Variants in LIFR observed in about 807,000 individuals in gnomAD.
The protein encoded by LIFR is LIF receptor subunit alpha.
In LIFR, 84 loss-of-function variants were observed where a neutral mutation model predicts 122.2. The observed-to-expected ratio is 0.69, with a 90% CI of 0.58 to 0.82. LIFR has a LOEUF of 0.82. Among genes scored for constraint, LIFR ranks in the 40% least tolerant of loss-of-function variants. The probability of loss-of-function intolerance (pLI) is 0.00; values close to 1 mark genes in which losing one functional copy is unlikely to be tolerated. For synonymous variants in LIFR, 422 were observed against 434.7 expected (o/e 0.97, Z 0.36); for missense variants, 1,294 against 1,311.6 (o/e 0.99, Z 0.21).
chr5:38,510,589 A>G lies in LIFR; in HGVS notation c.866T>C (p.Leu289Ser), dbSNP rs1745744020. 1 of 1,613,974 alleles carries G rather than the reference A, an allele frequency of 6.2e-7. No individual in the cohort carries two copies. The highest frequency in any genetic ancestry group is 8.5e-7 in the Non-Finnish European group (1 of 1,179,990). The stretch of plus-strand genomic sequence containing the variant: ...AACATTTTCCCCATCAAGATGGATC[A>G]AGGGGCAGTTTGTATGGCCAATCAG... ...SALIGHTNCP[L>S]IHLDGENVAI... The change falls in exon 7 of 20, where the codon TTG (leucine) becomes TCG (serine). Residue 289 changes from leucine (L) to serine (S), a missense_variant. Transcript: ENST00000453190.
intron 1 of LIFR, among the ~76,000 whole-genome samples, chr5:38,551,588 C>A (rs1253911281): frequency 6.6e-6 from 1 of 152,200 alleles, no homozygotes; most frequent in African/African-American, 2.4e-5. Context: ...TGGAAGAGCA[C>A]CACACATACA....
rs58882043 is a variant in LIFR, at chr5:38,505,401, T to TACACACAC, written c.1291+496_1291+503dup. Reference sequence around the variant, plus strand: ...TCTATACCTATAAATTGCATAGAACTACACACACACACACACACACACACA... The same window carrying TACACACAC: ...TCTATACCTATAAATTGCATAGAACTACACACACACACACACACACACACACACACACA... On this transcript the variant is annotated intron_variant, in intron 9 of 19. Transcript: ENST00000453190. Among the ~76,000 whole-genome samples the TACACACAC allele has an allele frequency of 8.6e-4, 120 of 139,466 alleles. 1 individual carries two copies. The highest frequency in any genetic ancestry group is 1.2e-3 in the Non-Finnish European group (77 of 64,458). The allele number at this position is 139,466 out of a possible 152,430, so 91.5% of individuals were successfully genotyped here. A position where few individuals can be genotyped will look rare whatever the true frequency, so the allele number is the denominator to read the frequency against.
rs181860045 is a variant in LIFR at position 38,491,710 on chromosome 5, A to T, written c.2066-1419T>A. Among the ~76,000 whole-genome samples, 287 of 152,342 alleles carry T rather than the reference A, an allele frequency of 1.9e-3. 2 individuals carry two copies. Among genetic ancestry groups the T allele is most frequent in the African/African-American group, 6.8e-3 (283 of 41,580 alleles). On this transcript the variant is annotated intron_variant, in intron 14 of 19. Transcript: ENST00000453190. ...ACATCATACAACCCAAGAAAAACTG[A>T]ATCAACTTGTCTAAAATATTAACTT...
At chr5:38,493,060 G>A (rs376899790) in intron 14 of LIFR, among the ~76,000 whole-genome samples, 94 of 152,226 alleles carry the variant, frequency 6.2e-4, no homozygotes, top group African/African-American at 2.1e-3. Flanking sequence ...CCCACACTGC[G>A]CTCAGTCCAG....
chr5:38,484,975 C>G, intron 17 of LIFR, 107 bp from the exon 18 acceptor site: 1 of 748,180 alleles, frequency 1.3e-6, no homozygotes. Flanking sequence ...AGGAAAAAAA[C>G]AAAATTAACT....
intron 16 of LIFR, among the ~76,000 whole-genome samples, chr5:38,487,563 C>G (rs987287470): frequency 3.3e-5 from 5 of 152,084 alleles, no homozygotes; most frequent in African/African-American, 1.2e-4. Context: ...TTCTTTGGCT[C>G]TATATACAGT....
intron 10 of LIFR, among the ~76,000 whole-genome samples, 193 bp downstream of exon 10, chr5:38,503,783 G>A (rs1745307081): frequency 6.7e-6 from 1 of 148,930 alleles, no homozygotes; most frequent in Non-Finnish European, 1.5e-5. Flanking sequence ...ATTCTGAGGA[G>A]TAAAAGTCAT....
Position 38,490,248 on chromosome 5 carries a change from TC to T in LIFR, c.2108del (p.Gly703AspfsTer13). ...PGIRYNFFLYGCRNQGYQLLR... is the reference protein window; with the variant it reads ...PGIRYNFFLYXCRNQGYQLLR... Reference sequence around the variant, plus strand: ...ATAATTGATATCCTTGATTTCTGCATCCATACAGGAAAAAATTATATCTTAT... The same window carrying T: ...ATAATTGATATCCTTGATTTCTGCATCATACAGGAAAAAATTATATCTTAT... On this transcript the variant is annotated frameshift_variant, in exon 15 of 20. Coordinates refer to ENST00000453190, the MANE Select transcript of LIFR (RefSeq NM_001127671.2). LOFTEE classifies it high-confidence loss of function. 6.3e-7 allele frequency: 1 copy of T among 1,585,576 alleles called. No homozygotes were observed. Among genetic ancestry groups the T allele is most frequent in the African/African-American group, 1.3e-5 (1 of 74,422 alleles).
chr5:38,497,270 G>A (rs1255885223), intron 12 of LIFR, among the ~76,000 whole-genome samples: 5 of 152,202 alleles, frequency 3.3e-5, no homozygotes, highest in African/African-American at 9.6e-5. Context: ...TTCAAAGAGC[G>A]AGACTCTGTC....
chr5:38,500,788 T>C (rs879168772), intron 11 of LIFR, among the ~76,000 whole-genome samples: 1 of 152,176 alleles, frequency 6.6e-6, no homozygotes, highest in Non-Finnish European at 1.5e-5. Flanking sequence ...ATAATCCCCA[T>C]GTGCGTGGTG....
intron 1 of LIFR, among the ~76,000 whole-genome samples, chr5:38,575,084 A>T (rs1479108418): frequency 6.6e-6 from 1 of 152,226 alleles, no homozygotes; most frequent in African/African-American, 2.4e-5. Context: ...ACTGTTTTGT[A>T]TTCATATGTC....
At chr5:38,548,131 G>T (rs1580165312) in intron 1 of LIFR, among the ~76,000 whole-genome samples, 2 of 151,836 alleles carry the variant, frequency 1.3e-5, no homozygotes, top group East Asian at 3.9e-4. Flanking sequence ...GCTAGGAGGA[G>T]CTCATTTTCA....
At chr5:38,508,478 T>A (rs952846343) in intron 7 of LIFR, among the ~76,000 whole-genome samples, 2 of 152,198 alleles carry the variant, frequency 1.3e-5, no homozygotes, top group African/African-American at 4.8e-5. Flanking sequence ...ACGGATTTAA[T>A]GTAATCCCAA....
At chr5:38,538,407 C>G (rs927047302) in intron 1 of LIFR, among the ~76,000 whole-genome samples, 1 of 152,202 alleles carries the variant, frequency 6.6e-6, no homozygotes, top group East Asian at 1.9e-4. Flanking sequence ...CTTACTTAGA[C>G]AAATCCACTC....
At chr5:38,524,918 C>T (rs1014401151) in intron 4 of LIFR, among the ~76,000 whole-genome samples, 5 of 152,158 alleles carry the variant, frequency 3.3e-5, no homozygotes, top group Non-Finnish European at 5.9e-5. Flanking sequence ...TAGTTGTTAC[C>T]TGTGCCAAAT....
At position 38,506,019 on chromosome 5, in the gene LIFR, A is replaced by T. The variant is rs1745458376; in HGVS notation, c.1177T>A (p.Tyr393Asn). 6.2e-7 allele frequency: 1 copy of T among 1,608,046 alleles called. No individual in the cohort carries two copies. The highest frequency in any genetic ancestry group is 8.5e-7 in the Non-Finnish European group (1 of 1,176,032). The change falls in exon 9 of 20, where the codon TAT (tyrosine) becomes AAT (asparagine). Residue 393 changes from tyrosine to asparagine, a missense_variant. Transcript: ENST00000453190. ...GGAAGCATTTGAAATAATAATTGAT[A>T]GCTTTCGTTTGTAGGTGCTTCAGCT... is the stretch of plus-strand genomic sequence containing the variant. ...KRAEAPTNES[Y>N]QLLFQMLPNQ...
chr5:38,560,189 T>C (rs1748780698), upstream of LIFR, among the ~76,000 whole-genome samples: 1 of 152,170 alleles, frequency 6.6e-6, no homozygotes, highest in Non-Finnish European at 1.5e-5. Context: ...AAAAACATTC[T>C]ACAAATTAAG....
intron 11 of LIFR, among the ~76,000 whole-genome samples, chr5:38,501,697 C>T (rs988232981): frequency 3.3e-5 from 5 of 151,750 alleles, no homozygotes; most frequent in Non-Finnish European, 5.9e-5. Context: ...GCCGAGATCG[C>T]GCCATTGCAC....
chr5:38,483,576 C>G (rs58462452), intron 18 of LIFR, among the ~76,000 whole-genome samples: 71 of 152,074 alleles, frequency 4.7e-4, no homozygotes, highest in African/African-American at 1.6e-3. Context: ...ATTACAGGCA[C>G]GTGCCACTAT....
Sources: allele counts gnomAD v4.1 joint callset (sites outside exome capture counted in the v4.1 genomes callset), GRCh38; gene constraint gnomAD v4.1.1; transcripts MANE v1.5; gene names NCBI Gene and HGNC (gene_info 2026-07-23, HGNC 2026-07-21).